The following MFSD12 variants were observed in gnomAD, a reference collection of about 807,000 sequenced individuals.
MFSD12 encodes the protein major facilitator superfamily domain containing 12, also known as major facilitator superfamily domain-containing protein 12.
MFSD12 carries 67 observed loss-of-function variants against 51.2 expected under a neutral mutation model. That is an observed-to-expected ratio of 1.31 (90% CI 1.08 to 1.60). The LOEUF (loss-of-function observed/expected upper bound fraction) is 1.60, where lower values mean the gene tolerates loss of function less well. MFSD12 is among the 40% of genes most tolerant of loss of function. The pLI, the probability that MFSD12 is intolerant of heterozygous loss-of-function variation, is 0.00. For synonymous variants in MFSD12, 441 were observed against 316.7 expected (o/e 1.39, Z -4.17); for missense variants, 921 against 673.0 (o/e 1.37, Z -4.08).
chr19:3,548,718 GTC>G (rs1303709608), intron 2 of MFSD12, among the ~76,000 whole-genome samples: 1 of 152,168 alleles, frequency 6.6e-6, no homozygotes, highest in Non-Finnish European at 1.5e-5. Flanking sequence ...CCATGAATCA[GTC>G]TCTCTTTCTG....
downstream of MFSD12, chr19:3,542,079 G>C (rs1471357836): frequency 1.0e-6 from 1 of 975,162 alleles, no homozygotes; most frequent in Non-Finnish European, 1.2e-6. Flanking sequence ...CAAAGTGCTG[G>C]GATTACAGGC....
downstream of MFSD12, chr19:3,539,335 T>C (rs1215879027): frequency 2.5e-6 from 2 of 814,376 alleles, no homozygotes; most frequent in East Asian, 4.1e-5. Flanking sequence ...TTACATGGTG[T>C]TTGGTTTGGG....
At position 3,546,292 on chromosome 19, in the gene MFSD12, G is replaced by T. The variant is rs375475821; in HGVS notation, c.1157C>A (p.Ser386Ter). 1.2e-6 allele frequency: 2 copies of T among 1,610,136 alleles called. No homozygotes were observed. Among genetic ancestry groups the T allele is most frequent in the Non-Finnish European group, 1.7e-6 (2 of 1,179,020 alleles). The change falls in exon 7 of 10, where the codon TCG becomes TAG. Residue 386 changes from serine (S) to a stop codon, truncating the protein, a stop_gained. Coordinates refer to ENST00000355415, the MANE Select transcript of MFSD12 (RefSeq NM_174983.5). LOFTEE classifies it high-confidence loss of function. ...GATGAGGTCGGCCGTCATGGCCAGC[G>T]AGGTGACGAGGATGGTGGCACAGCC... ...GAGCATILVT[S>*]LAMTADLIGP...
intron 1 of MFSD12, among the ~76,000 whole-genome samples, chr19:3,556,222 C>T (rs1470297866): frequency 6.6e-6 from 1 of 152,236 alleles, no homozygotes; most frequent in Non-Finnish European, 1.5e-5. Context: ...GCCTGACTGT[C>T]CCTCAGCCAT....
rs1371963392 is a variant in MFSD12, at chr19:3,544,269, G to C, written c.*441C>G. 21 of 1,310,026 alleles carry C rather than the reference G, an allele frequency of 1.6e-5. No individual in the cohort carries two copies. Among genetic ancestry groups the C allele is most frequent in the Non-Finnish European group, 1.9e-5 (20 of 1,031,032 alleles). The allele number at this position is 1,310,026 out of a possible 1,614,324, so 81.2% of individuals were successfully genotyped here. ...CCGGGCAGCCCTGCTGCCCACCACGGTGGGGTCCAGGCCCAGCCCACCACC... is the reference window on the plus strand; with the variant it reads ...CCGGGCAGCCCTGCTGCCCACCACGCTGGGGTCCAGGCCCAGCCCACCACC... On this transcript the variant is annotated 3_prime_UTR_variant, in exon 10 of 10. Coordinates refer to ENST00000355415, the MANE Select transcript of MFSD12 (RefSeq NM_174983.5).
At chr19:3,539,168 C>CCAGG in intron 4 of MFSD12, 2 of 1,547,384 alleles carry the variant, frequency 1.3e-6, no homozygotes, top group Non-Finnish European at 1.7e-6. Context: ...CCCGGGGGAT[C>CCAGG]CAGGCAGACA....
chr19:3,545,193 C>A (rs905181271), intron 8 of MFSD12, among the ~76,000 whole-genome samples: 4 of 152,194 alleles, frequency 2.6e-5, no homozygotes, highest in African/African-American at 9.7e-5. Flanking sequence ...CCCAGCATGG[C>A]CCGCCTGCAC....
rs529288763 is a variant in MFSD12, at chr19:3,545,175, G to A, written c.1290-236C>T. On this transcript the variant is annotated intron_variant, in intron 8 of 9. Transcript: ENST00000355415. ...TGTCTCCCCTTCCCTGTCTCCTCAT[G>A]GTCCAGCCCCAGCATGGCCCGCCTG... is the stretch of plus-strand genomic sequence containing the variant. Among the ~76,000 whole-genome samples, 3 of 152,192 alleles carry A rather than the reference G, an allele frequency of 2.0e-5. No homozygotes were observed. The East Asian group carries it at 5.8e-4, about 30-fold the overall frequency.
intron 6 of MFSD12, among the ~76,000 whole-genome samples, chr19:3,546,773 C>T (rs1376567841): frequency 1.3e-5 from 2 of 152,166 alleles, no homozygotes; most frequent in African/African-American, 2.4e-5. Context: ...TCCATGGCTG[C>T]GAGTGTATAA....
chr19:3,554,185 C>A (rs1353151984), intron 1 of MFSD12, among the ~76,000 whole-genome samples: 1 of 151,944 alleles, frequency 6.6e-6, no homozygotes, highest in Non-Finnish European at 1.5e-5. Context: ...ACCTGTAATC[C>A]CAGCACTGTG....
chr19:3,546,001 T>A (rs2030989246), intron 8 of MFSD12, 73 bp downstream of exon 8: 1 of 1,515,472 alleles, frequency 6.6e-7, no homozygotes, highest in African/African-American at 1.4e-5. Flanking sequence ...CCCAGAACAC[T>A]GCTGGACACA....
At chr19:3,538,995 ACT>A (rs940900284) in intron 4 of MFSD12, 18 of 630,604 alleles carry the variant, frequency 2.9e-5, no homozygotes, top group Admixed American at 7.4e-5. Flanking sequence ...GCCCACCCAC[ACT>A]GTGTCACCCC....
At chr19:3,543,953 A>G (rs1343192534), downstream of MFSD12, 10 of 1,550,126 alleles carry the variant, frequency 6.5e-6, no homozygotes, top group Non-Finnish European at 8.7e-6. Flanking sequence ...TCCTGGAACC[A>G]TACTGCCCCT....
downstream of MFSD12, chr19:3,539,264 A>G (rs997339031): frequency 6.5e-7 from 1 of 1,542,230 alleles, no homozygotes; most frequent in Non-Finnish European, 8.8e-7. Flanking sequence ...TGTACAGGTG[A>G]GCCCCTCCCT....
rs774149950 is a variant in MFSD12, at chr19:3,544,468, C to T, written c.*242G>A. The T allele has an allele frequency of 3.2e-5, 43 of 1,358,388 alleles. No homozygotes were observed. The highest frequency in any genetic ancestry group is 1.0e-4 in the South Asian group (5 of 49,172). 84.1% of individuals were successfully genotyped at this position (1,358,388 alleles called of 1,614,324 possible). On this transcript the variant is annotated 3_prime_UTR_variant, in exon 10 of 10. Coordinates refer to ENST00000355415, the MANE Select transcript of MFSD12 (RefSeq NM_174983.5). Reference sequence around the variant, plus strand: ...GCCGAGAGGGGCACCCCAAATCCTCCAGAGGGCTGGGATGGATTAGAGTTG... The same window carrying T: ...GCCGAGAGGGGCACCCCAAATCCTCTAGAGGGCTGGGATGGATTAGAGTTG...
At position 3,546,435 on chromosome 19, in the gene MFSD12, C is replaced by G; in HGVS notation, c.1024-10G>C. The G allele has an allele frequency of 6.3e-7, 1 of 1,598,760 alleles. No individual in the cohort carries two copies. Among genetic ancestry groups the G allele is most frequent in the Non-Finnish European group, 8.5e-7 (1 of 1,173,556 alleles). On this transcript the variant is annotated splice_polypyrimidine_tract_variant and intron_variant, in intron 6 of 9. Coordinates refer to ENST00000355415, the MANE Select transcript of MFSD12 (RefSeq NM_174983.5). Reference sequence around the variant, plus strand: ...CTGAGAAGTAGGTCATCTGCAGGGACAGCCCCGGGGTCAGGCCCACACCAC... The same window carrying G: ...CTGAGAAGTAGGTCATCTGCAGGGAGAGCCCCGGGGTCAGGCCCACACCAC...
At chr19:3,548,762 C>T (rs996217968) in intron 2 of MFSD12, among the ~76,000 whole-genome samples, 3 of 152,204 alleles carry the variant, frequency 2.0e-5, no homozygotes, top group Non-Finnish European at 2.9e-5. Context: ...CCAGAGGCCA[C>T]GTGAGCACAG....
In MFSD12 at chr19:3,544,498, T is replaced by C. The variant is rs546409398; in HGVS notation, c.*212A>G. 5 of 1,395,524 alleles carry C rather than the reference T, an allele frequency of 3.6e-6. No individual in the cohort carries two copies. The Admixed American group carries it at 1.5e-4, about 42-fold the overall frequency. 86.4% of individuals were successfully genotyped at this position (1,395,524 alleles called of 1,614,324 possible). On this transcript the variant is annotated 3_prime_UTR_variant, in exon 10 of 10. Coordinates refer to ENST00000355415, the MANE Select transcript of MFSD12 (RefSeq NM_174983.5). Reference sequence around the variant, plus strand: ...GGCTGGGATGGATTAGAGTTGAGAATGGGACACCCTCAAAACCCAGGGGGT... The same window carrying C: ...GGCTGGGATGGATTAGAGTTGAGAACGGGACACCCTCAAAACCCAGGGGGT...
chr19:3,544,028 G>C (rs781408257), downstream of MFSD12: 8 of 1,521,092 alleles, frequency 5.3e-6, no homozygotes, highest in Middle Eastern at 1.7e-4. Flanking sequence ...CTACCAGGAT[G>C]CACCCACTGT....
Sources: allele counts gnomAD v4.1 joint callset (sites outside exome capture counted in the v4.1 genomes callset), GRCh38; gene constraint gnomAD v4.1.1; transcripts MANE v1.5; gene names NCBI Gene and HGNC (gene_info 2026-07-23, HGNC 2026-07-21).